LYRM9: variants seen among roughly 807,000 people sequenced by gnomAD.
The protein encoded by LYRM9 is LYR motif containing 9.
In LYRM9, 14 loss-of-function variants were observed where a neutral mutation model predicts 12.6. The observed-to-expected ratio is 1.11, with a 90% CI of 0.73 to 1.73. LYRM9 has a LOEUF of 1.73. Among genes scored for constraint, LYRM9 ranks in the 40% most tolerant of loss-of-function variants. The probability of loss-of-function intolerance (pLI) is 0.00; values close to 1 mark genes in which losing one functional copy is unlikely to be tolerated. For synonymous variants in LYRM9, 42 were observed against 35.1 expected (o/e 1.20, Z -0.69); for missense variants, 94 against 95.0 (o/e 0.99, Z 0.04).
Position 27,886,225 on chromosome 17 carries a change from T to C in LYRM9, c.-18-3513A>G, listed in dbSNP as rs978362248. On this transcript the variant is annotated intron_variant, in intron 1 of 3. Transcript: ENST00000379102. The surrounding 1 kb of genome is among the most constrained non-coding windows in gnomAD (Gnocchi z 4.8). ...AAAGAGCACAACTTTGTTTCATTACTTAAAAACTCAAGCAATACTTAGTAA... is the reference window on the plus strand; with the variant it reads ...AAAGAGCACAACTTTGTTTCATTACCTAAAAACTCAAGCAATACTTAGTAA... 5.3e-5 allele frequency among the ~76,000 whole-genome samples: 8 copies of C among 152,218 alleles called. No individual in the cohort carries two copies. Among genetic ancestry groups the C allele is most frequent in the African/African-American group, 1.9e-4 (8 of 41,438 alleles).
intron 2 of LYRM9, chr17:27,880,833 T>C (rs543258836): frequency 1.2e-5 from 2 of 165,196 alleles, no homozygotes; most frequent in East Asian, 1.8e-4. Context: ...AGGTAGTAGA[T>C]AGAGTGGCCT....
chr17:27,882,738 A>G, intron 1 of LYRM9, 26 bp from the exon 2 acceptor site: 1 of 1,550,038 alleles, frequency 6.5e-7, no homozygotes, highest in Non-Finnish European at 8.7e-7. Flanking sequence ...GATCACTTCC[A>G]GGGCATCAAG....
chr17:27,884,253 C>T (rs571476121), intron 1 of LYRM9, among the ~76,000 whole-genome samples: 2 of 152,304 alleles, frequency 1.3e-5, no homozygotes, highest in East Asian at 1.9e-4. Flanking sequence ...GGTTCTAGAA[C>T]ATATGGGCTT....
chr17:27,891,766 T>A (rs1424723488), intron 1 of LYRM9, among the ~76,000 whole-genome samples: 4 of 152,180 alleles, frequency 2.6e-5, no homozygotes, highest in Admixed American at 1.3e-4. Flanking sequence ...ACTAGCTGTG[T>A]AATCCTGGCC....
intron 1 of LYRM9, among the ~76,000 whole-genome samples, chr17:27,883,661 AAAAG>A (rs929199687): frequency 3.3e-5 from 5 of 151,576 alleles, no homozygotes; most frequent in Non-Finnish European, 7.4e-5. Flanking sequence ...AAAAAAAAAA[AAAAG>A]AGAGAGAATC....
Position 27,889,598 on chromosome 17 carries a change from C to T in LYRM9, c.-19+3719G>A, listed in dbSNP as rs374298531. Among the ~76,000 whole-genome samples the T allele has an allele frequency of 3.3e-5, 5 of 152,236 alleles. No homozygotes were observed. The East Asian group carries it at 5.8e-4, about 18-fold the overall frequency. ...GATTATAGGTGTGAGCCACTGCACCCGGCTCCATGAGCTGTTCTTAAGTCT... is the reference window on the plus strand; with the variant it reads ...GATTATAGGTGTGAGCCACTGCACCTGGCTCCATGAGCTGTTCTTAAGTCT... On this transcript the variant is annotated intron_variant, in intron 1 of 3. Coordinates refer to ENST00000379102, the MANE Select transcript of LYRM9 (RefSeq NM_001076680.3).
chr17:27,889,033 G>T (rs1005915495), intron 1 of LYRM9, among the ~76,000 whole-genome samples: 1 of 152,112 alleles, frequency 6.6e-6, no homozygotes, highest in African/African-American at 2.4e-5. Context: ...TGTAAGCAGC[G>T]GGGAGGTGCT....
At chr17:27,889,607 G>A (rs1358353830) in intron 1 of LYRM9, among the ~76,000 whole-genome samples, 1 of 152,046 alleles carries the variant, frequency 6.6e-6, no homozygotes, top group African/African-American at 2.4e-5. Context: ...CCGGCTCCAT[G>A]AGCTGTTCTT....
chr17:27,884,500 C>T (rs1230088787), intron 1 of LYRM9, among the ~76,000 whole-genome samples: 2 of 152,228 alleles, frequency 1.3e-5, no homozygotes, highest in Admixed American at 6.5e-5. Flanking sequence ...CCATCTTCTC[C>T]GTGTGAGGAA....
At chr17:27,888,375 A>T (rs1597595124) in intron 1 of LYRM9, among the ~76,000 whole-genome samples, 1 of 152,122 alleles carries the variant, frequency 6.6e-6, no homozygotes, top group Non-Finnish European at 1.5e-5. Flanking sequence ...AAGGGTATCC[A>T]CCTGCCCTCA....
Position 27,879,351 on chromosome 17 carries a change from C to T in LYRM9, c.*122G>A, listed in dbSNP as rs1597588096. 1.8e-6 allele frequency: 2 copies of T among 1,117,928 alleles called. No homozygotes were observed. Among genetic ancestry groups the T allele is most frequent in the South Asian group, 3.3e-5 (2 of 60,264 alleles). 69.3% of individuals were successfully genotyped at this position (1,117,928 alleles called of 1,614,324 possible). On this transcript the variant is annotated 3_prime_UTR_variant, in exon 4 of 4. Coordinates refer to ENST00000379102, the MANE Select transcript of LYRM9 (RefSeq NM_001076680.3). ...AGCCTCTGGAGCAAGGTCAGCTTCT[C>T]CCCTGATTTCTGGCTTTCAGCCAAC...
chr17:27,889,329 C>G (rs755595791), intron 1 of LYRM9, among the ~76,000 whole-genome samples: 1 of 148,984 alleles, frequency 6.7e-6, no homozygotes, highest in Non-Finnish European at 1.5e-5. Flanking sequence ...TTTTTTGAGA[C>G]GGCATTTCGC....
At chr17:27,881,890 C>T (rs1020172695) in intron 2 of LYRM9, among the ~76,000 whole-genome samples, 1 of 152,030 alleles carries the variant, frequency 6.6e-6, no homozygotes. Context: ...TCATTGCAGC[C>T]TCGACCTCCG....
intron 1 of LYRM9, among the ~76,000 whole-genome samples, chr17:27,888,434 T>C (rs554035532): frequency 6.6e-6 from 1 of 152,324 alleles, no homozygotes; most frequent in Admixed American, 6.5e-5. Context: ...TTTACCAACT[T>C]CCTGAATGAA....
Position 27,888,295 on chromosome 17 carries a change from G to C in LYRM9, c.-19+5022C>G, listed in dbSNP as rs941491778. On this transcript the variant is annotated intron_variant, in intron 1 of 3. Transcript: ENST00000379102. ...TCAGTGGGAGGCCTGTGGTTACCTT[G>C]AAACAGCCTTCATCACCCCTCATTA... Among the ~76,000 whole-genome samples the C allele has an allele frequency of 1.3e-5, 2 of 152,132 alleles. 1 individual carries two copies. Among genetic ancestry groups the C allele is most frequent in the East Asian group, 3.8e-4 (2 of 5,196 alleles).
Position 27,882,436 on chromosome 17 carries a change from C to G in LYRM9, c.126+133G>C, listed in dbSNP as rs552890721. ...AGCTGGGCTGCCCAGCACTGGTTTC[C>G]TGTGGCTCTTCCCACACTGCCACCT... On this transcript the variant is annotated intron_variant, in intron 2 of 3. Coordinates refer to ENST00000379102, the MANE Select transcript of LYRM9 (RefSeq NM_001076680.3). The G allele has an allele frequency of 3.0e-5, 38 of 1,267,628 alleles. No individual in the cohort carries two copies. The African/African-American group carries it at 4.8e-4, about 16-fold the overall frequency. 78.5% of individuals were successfully genotyped at this position (1,267,628 alleles called of 1,614,324 possible). A position where few individuals can be genotyped will look rare whatever the true frequency, so the allele number is the denominator to read the frequency against.
chr17:27,887,790 C>T (rs1905287838), intron 1 of LYRM9, among the ~76,000 whole-genome samples: 1 of 151,528 alleles, frequency 6.6e-6, no homozygotes, highest in Admixed American at 6.6e-5. Flanking sequence ...TTACCATGAA[C>T]TGGCTCATGC....
At chr17:27,892,580 A>G (rs1164826365) in intron 1 of LYRM9, 1 of 353,446 alleles carries the variant, frequency 2.8e-6, no homozygotes, top group East Asian at 7.9e-5. Flanking sequence ...ATTTATACGA[A>G]ACATCCAGAA....
intron 1 of LYRM9, among the ~76,000 whole-genome samples, chr17:27,889,179 T>C (rs990228505): frequency 6.6e-6 from 1 of 152,182 alleles, no homozygotes; most frequent in Non-Finnish European, 1.5e-5. Flanking sequence ...CCACAGGCAG[T>C]GGCCCTGTCA....
Sources: gnomAD v4.1 joint callset for allele counts (sites outside exome capture counted in the v4.1 genomes callset) on GRCh38, gnomAD v4.1.1 for gene constraint, Gnocchi (gnomAD v3.1) non-coding constraint, MANE v1.5 for transcripts, NCBI Gene and HGNC (gene_info 2026-07-23, HGNC 2026-07-21) for gene names.